Variants in CAMK2D observed in about 807,000 individuals in gnomAD.
CAMK2D encodes calcium/calmodulin-dependent protein kinase type II subunit delta.
In CAMK2D, 37 loss-of-function variants were observed where a neutral mutation model predicts 84.0. That is an observed-to-expected ratio of 0.44 (90% CI 0.34 to 0.58). CAMK2D has a LOEUF of 0.58. Among genes scored for constraint, CAMK2D ranks in the 20% least tolerant of loss-of-function variants. The pLI, the probability that CAMK2D is intolerant of heterozygous loss-of-function variation, is 0.02. For missense variants in CAMK2D, 448 were observed against 652.5 expected, an observed-to-expected ratio of 0.69 and a Z score of 3.41; for synonymous variants, 202 against 212.5, an observed-to-expected ratio of 0.95 and a Z score of 0.43.
intron 4 of CAMK2D, among the ~76,000 whole-genome samples, chr4:113,555,429 A>G (rs2098658019): frequency 6.6e-6 from 1 of 152,116 alleles, no homozygotes; most frequent in Non-Finnish European, 1.5e-5. Context: ...AAAAGGAGTA[A>G]TTTCCCCTGG....
chr4:113,566,737 A>AT (rs1176317470), intron 4 of CAMK2D, among the ~76,000 whole-genome samples: 1 of 152,174 alleles, frequency 6.6e-6, no homozygotes, highest in Non-Finnish European at 1.5e-5. Flanking sequence ...ACTGAGTGGA[A>AT]TATCTACTCA....
At chr4:113,475,897 T>C (rs923542114) in intron 16 of CAMK2D, among the ~76,000 whole-genome samples, 1 of 152,200 alleles carries the variant, frequency 6.6e-6, no homozygotes, top group Non-Finnish European at 1.5e-5. Flanking sequence ...CAAGGGCAGA[T>C]TATCTTCAGT....
intron 3 of CAMK2D, among the ~76,000 whole-genome samples, chr4:113,635,477 T>C (rs2099106547): frequency 6.6e-6 from 1 of 152,202 alleles, no homozygotes; most frequent in East Asian, 1.9e-4. Context: ...TTTCCAGCTT[T>C]ACAGACTTAT....
At chr4:113,565,620 C>CAGCCTGGG (rs2154215674) in intron 4 of CAMK2D, among the ~76,000 whole-genome samples, 1 of 147,584 alleles carries the variant, frequency 6.8e-6, no homozygotes, top group South Asian at 2.1e-4. Flanking sequence ...CACTGCACTC[C>CAGCCTGGG]AGCCTGGGAG....
intron 2 of CAMK2D, among the ~76,000 whole-genome samples, chr4:113,712,598 C>T (rs961201472): frequency 1.3e-5 from 2 of 152,028 alleles, no homozygotes; most frequent in Admixed American, 6.6e-5. Flanking sequence ...CAACTGAAAA[C>T]GGCTCCTCTT....
At chr4:113,704,397 G>A (rs767012169) in intron 2 of CAMK2D, among the ~76,000 whole-genome samples, 11 of 151,716 alleles carry the variant, frequency 7.3e-5, no homozygotes, top group Non-Finnish European at 1.5e-5. Context: ...AAGAACAAGA[G>A]AAAATTAATT....
At chr4:113,734,486 T>C (rs1348261420) in intron 2 of CAMK2D, among the ~76,000 whole-genome samples, 3 of 152,182 alleles carry the variant, frequency 2.0e-5, no homozygotes, top group African/African-American at 7.2e-5. Context: ...AATTTTTTTA[T>C]TTATCCACTT....
intron 4 of CAMK2D, among the ~76,000 whole-genome samples, chr4:113,581,529 AAAAAG>A (rs1553973877): frequency 1.6e-5 from 2 of 121,878 alleles, no homozygotes; most frequent in African/African-American, 3.2e-5. Context: ...AAAAAAAAAA[AAAAAG>A]AAAAGAAAAG....
intron 13 of CAMK2D, among the ~76,000 whole-genome samples, chr4:113,506,908 C>T (rs2098135405): frequency 6.6e-6 from 1 of 151,028 alleles, no homozygotes; most frequent in African/African-American, 2.5e-5. Flanking sequence ...CCCACACACA[C>T]ACACCTACAC....
chr4:113,761,345 C>T lies in CAMK2D; in HGVS notation c.-277G>A. On this transcript the variant is annotated 5_prime_UTR_variant, in exon 1 of 21. Coordinates refer to ENST00000511664, the MANE Select transcript of CAMK2D (RefSeq NM_001321571.2). ...TCTCCACTGGACGCTCCACCCGCCC[C>T]TTTTCCAGTCCCTGTCCCCAAATGC... 7.2e-7 allele frequency: 1 copy of T among 1,382,956 alleles called. No individual in the cohort carries two copies. The highest frequency in any genetic ancestry group is 9.4e-7 in the Non-Finnish European group (1 of 1,066,718). The allele number at this position is 1,382,956 out of a possible 1,614,324, so 85.7% of individuals were successfully genotyped here. A position where few individuals can be genotyped will look rare whatever the true frequency, so the allele number is the denominator to read the frequency against.
rs146294890 is a variant in CAMK2D at position 113,509,803 on chromosome 4, T to C, written c.947-128A>G. 10 of 680,892 alleles carry C rather than the reference T, an allele frequency of 1.5e-5. No individual in the cohort carries two copies. The African/African-American group carries it at 1.6e-4, about 11-fold the overall frequency. 42.2% of individuals were successfully genotyped at this position (680,892 alleles called of 1,614,324 possible). On this transcript the variant is annotated intron_variant, in intron 12 of 20. Coordinates refer to ENST00000511664, the MANE Select transcript of CAMK2D (RefSeq NM_001321571.2). ...GTTCTGGCCAACATATGGCAAGTTA[T>C]CAAAGTCACACTGATGAACGCGAGC... is the stretch of plus-strand genomic sequence containing the variant.
At chr4:113,751,370 T>C (rs2099616808) in intron 2 of CAMK2D, among the ~76,000 whole-genome samples, 1 of 152,242 alleles carries the variant, frequency 6.6e-6, no homozygotes, top group East Asian at 1.9e-4. Flanking sequence ...CCACAATTTC[T>C]TTATAAAACA....
chr4:113,581,140 T>G (rs1253337113), intron 4 of CAMK2D, among the ~76,000 whole-genome samples: 8 of 152,148 alleles, frequency 5.3e-5, no homozygotes, highest in East Asian at 1.9e-4. Context: ...CAGAATAATT[T>G]TATTAATATA....
At chr4:113,551,999 GTCTTGTA>G in intron 5 of CAMK2D, 25 bp downstream of exon 5, 1 of 1,064,076 alleles carries the variant, frequency 9.4e-7, no homozygotes, top group Non-Finnish European at 1.4e-6. Flanking sequence ...TGAATGTTGA[GTCTTGTA>G]TCTTGCCCAG....
chr4:113,452,348 GA>G lies in CAMK2D; in HGVS notation c.*2196del, dbSNP rs1209294766. On this transcript the variant is annotated 3_prime_UTR_variant, in exon 21 of 21. Coordinates refer to ENST00000511664, the MANE Select transcript of CAMK2D (RefSeq NM_001321571.2). ...GACCAGAGTAGGACACACTGCCCTT[GA>G]CACTGGCCAGCACTATGCAGGCATA... 6.6e-6 allele frequency: 1 copy of G among 152,160 alleles called. No individual in the cohort carries two copies. Among genetic ancestry groups the G allele is most frequent in the East Asian group, 1.9e-4 (1 of 5,188 alleles). 9.4% of individuals were successfully genotyped at this position (152,160 alleles called of 1,614,324 possible).
At chr4:113,744,089 C>G (rs920569624) in intron 2 of CAMK2D, among the ~76,000 whole-genome samples, 4 of 152,182 alleles carry the variant, frequency 2.6e-5, no homozygotes, top group African/African-American at 9.7e-5. Context: ...ATCCGCCCAC[C>G]TAGGCCTCCC....
intron 2 of CAMK2D, among the ~76,000 whole-genome samples, chr4:113,709,546 G>A (rs1437210694): frequency 6.6e-6 from 1 of 150,872 alleles, no homozygotes; most frequent in Non-Finnish European, 1.5e-5. Flanking sequence ...ATATTTTGGG[G>A]GCTGATTGGC....
chr4:113,553,231 GAT>G (rs554280826), intron 4 of CAMK2D, among the ~76,000 whole-genome samples: 52 of 152,214 alleles, frequency 3.4e-4, no homozygotes, highest in Non-Finnish European at 5.3e-4. Context: ...ACTTGCCCAA[GAT>G]CACACAGCGT....
intron 1 of CAMK2D, 41 bp from the exon 2 acceptor site, chr4:113,759,455 T>C (rs776874385): frequency 3.5e-6 from 4 of 1,153,620 alleles, no homozygotes; most frequent in Admixed American, 2.1e-5. Flanking sequence ...ATAACAGATA[T>C]AATATTTCAT....
Sources: gnomAD v4.1 joint callset for allele counts (sites outside exome capture counted in the v4.1 genomes callset) on GRCh38, gnomAD v4.1.1 for gene constraint, MANE v1.5 for transcripts, NCBI Gene and HGNC (gene_info 2026-07-23, HGNC 2026-07-21) for gene names.